Variants in CRTC1 observed in about 807,000 individuals in gnomAD.
The protein encoded by CRTC1 is CREB-regulated transcription coactivator 1.
Under a neutral mutation model 66.1 loss-of-function variants are expected in CRTC1, and 18 were observed. The ratio of observed to expected loss-of-function variants is 0.27; its 90% CI spans 0.19 to 0.40. CRTC1 has a LOEUF of 0.40. CRTC1 is among the 10% of genes least tolerant of loss of function. The pLI is 1.00. For missense variants in CRTC1, 669 were observed against 887.9 expected, an observed-to-expected ratio of 0.75 and a Z score of 3.13; for synonymous variants, 416 against 398.8, an observed-to-expected ratio of 1.04 and a Z score of -0.51.
In CRTC1 at chr19:18,776,207, C is replaced by T. The variant is rs114974425; in HGVS notation, c.1693+386C>T. ...GGTCAGGGACGGCTGTGGGGTGGGC[C>T]CTGTCTGGTGAGCCCAGCCTGGGCA... On this transcript the variant is annotated intron_variant, in intron 13 of 13. Coordinates refer to ENST00000321949, the MANE Select transcript of CRTC1 (RefSeq NM_015321.3). 3.1e-3 allele frequency among the ~76,000 whole-genome samples: 476 copies of T among 152,316 alleles called. 2 individuals are homozygous for T. The highest frequency in any genetic ancestry group is 0.011 in the African/African-American group (447 of 41,558).
At chr19:18,757,394 G>A (rs2054513159) in intron 6 of CRTC1, among the ~76,000 whole-genome samples, 1 of 152,108 alleles carries the variant, frequency 6.6e-6, no homozygotes, top group African/African-American at 2.4e-5. Context: ...AGGTTTTCCT[G>A]GGCACCCCCT....
At chr19:18,690,697 G>T (rs1293805299) in intron 1 of CRTC1, among the ~76,000 whole-genome samples, 1 of 152,080 alleles carries the variant, frequency 6.6e-6, no homozygotes. Flanking sequence ...ATCCTGGGGG[G>T]GTGGCCCTAA....
chr19:18,741,893 G>C lies in CRTC1; in HGVS notation c.127-1017G>C, dbSNP rs1418563924. On this transcript the variant is annotated intron_variant, in intron 1 of 13. Transcript: ENST00000321949. The surrounding 1 kb of genome is among the most constrained non-coding windows in gnomAD (Gnocchi z 4.2). ...CAGGGCCCCCTAGGAAGCTGGGGCG[G>C]TGGGGCAGCCAGCTCTCCACGCACT... Among the ~76,000 whole-genome samples, 1 of 152,138 alleles carries C rather than the reference G, an allele frequency of 6.6e-6. No homozygotes were observed. The highest frequency in any genetic ancestry group is 1.5e-5 in the Non-Finnish European group (1 of 67,986).
At chr19:18,709,510 G>A (rs1400822949) in intron 1 of CRTC1, among the ~76,000 whole-genome samples, 2 of 152,180 alleles carry the variant, frequency 1.3e-5, no homozygotes, top group African/African-American at 4.8e-5. Context: ...GGCAGGTTAA[G>A]AAGGGCAGTA....
intron 9 of CRTC1, among the ~76,000 whole-genome samples, chr19:18,766,691 C>T (rs893412254): frequency 6.6e-6 from 1 of 152,218 alleles, no homozygotes; most frequent in African/African-American, 2.4e-5. Context: ...AGGCAATCTG[C>T]CCACCTCGGC....
At chr19:18,764,424 T>C (rs1210546279) in intron 8 of CRTC1, among the ~76,000 whole-genome samples, 1 of 151,994 alleles carries the variant, frequency 6.6e-6, no homozygotes, top group East Asian at 1.9e-4. Flanking sequence ...CTCGCAGGGG[T>C]CCTCCTGCCA....
intron 1 of CRTC1, among the ~76,000 whole-genome samples, chr19:18,686,409 A>G (rs1430763923): frequency 6.6e-6 from 1 of 152,220 alleles, no homozygotes; most frequent in Non-Finnish European, 1.5e-5. Flanking sequence ...GCACTTTGGG[A>G]GGCCAAGGTG....
intron 2 of CRTC1, 121 bp from the exon 3 acceptor site, chr19:18,745,688 AGGCTGTGGAGCGAT>A (rs958584846): frequency 7.6e-5 from 86 of 1,129,404 alleles, no homozygotes; most frequent in Non-Finnish European, 1.1e-4. Context: ...AGCCCATCCC[AGGCTGTGGAGCGAT>A]GGCCGAGGGT....
chr19:18,777,114 A>G lies in CRTC1; in HGVS notation c.1694-57A>G. On this transcript the variant is annotated intron_variant, in intron 13 of 13. Transcript: ENST00000321949. This position sits in a 1 kb window ranked among gnomAD's most constrained non-coding sequence, Gnocchi z 5.5. ...CGGGCATGCCTGGTCCGACACATGG[A>G]TGCGAGCGATGGAGCCAGGGCTAAG... 2 of 972,010 alleles carry G rather than the reference A, an allele frequency of 2.1e-6. No homozygotes were observed. The highest frequency in any genetic ancestry group is 4.8e-5 in the East Asian group (2 of 41,702). 60.2% of individuals were successfully genotyped at this position (972,010 alleles called of 1,614,324 possible). A position where few individuals can be genotyped will look rare whatever the true frequency, so the allele number is the denominator to read the frequency against.
At chr19:18,730,216 G>A (rs2053854230) in intron 1 of CRTC1, among the ~76,000 whole-genome samples, 1 of 152,086 alleles carries the variant, frequency 6.6e-6, no homozygotes, top group African/African-American at 2.4e-5. Context: ...GCCCTTACGA[G>A]GTAAGGGCTT....
intron 12 of CRTC1, 109 bp from the exon 13 acceptor site, chr19:18,775,532 G>T: frequency 9.7e-7 from 1 of 1,035,984 alleles, no homozygotes. Flanking sequence ...ATCCTGCAGG[G>T]ACAGAGTCCC....
chr19:18,732,575 G>T (rs958271904), intron 1 of CRTC1, among the ~76,000 whole-genome samples: 14 of 152,184 alleles, frequency 9.2e-5, no homozygotes, highest in Non-Finnish European at 1.5e-4. Context: ...TGCAGGGATT[G>T]GGGGTCTGGC....
chr19:18,690,534 C>T (rs973783227), intron 1 of CRTC1, among the ~76,000 whole-genome samples: 2 of 152,170 alleles, frequency 1.3e-5, no homozygotes, highest in Non-Finnish European at 2.9e-5. Flanking sequence ...CTCAGTACTC[C>T]CCAGGTTGTG....
chr19:18,749,264 G>A (rs891037319), intron 4 of CRTC1, among the ~76,000 whole-genome samples: 1 of 152,268 alleles, frequency 6.6e-6, no homozygotes, highest in South Asian at 2.1e-4. Flanking sequence ...CCTTCTCCTA[G>A]CCCATTCCAC....
chr19:18,717,941 A>G (rs1256736771), intron 1 of CRTC1, among the ~76,000 whole-genome samples: 1 of 152,108 alleles, frequency 6.6e-6, no homozygotes, highest in Non-Finnish European at 1.5e-5. Context: ...AGAAAAAGAC[A>G]GCAGGGCCTG....
intron 1 of CRTC1, among the ~76,000 whole-genome samples, chr19:18,716,000 G>A (rs111274817): frequency 0.023 from 3,503 of 152,324 alleles, 60 homozygotes; most frequent in Non-Finnish European, 0.037. Flanking sequence ...GGTTGGCGGG[G>A]GGGGTGTCGC....
intron 2 of CRTC1, chr19:18,744,191 C>T (rs757513143): frequency 1.1e-5 from 17 of 1,600,660 alleles, no homozygotes; most frequent in South Asian, 3.3e-5. Context: ...GCGGCGTCCC[C>T]GGCGCCAGCC....
chr19:18,689,600 T>TA (rs1235717486), intron 1 of CRTC1, among the ~76,000 whole-genome samples: 1 of 121,464 alleles, frequency 8.2e-6, no homozygotes, highest in African/African-American at 3.5e-5. Context: ...ATATAACACT[T>TA]ACCATTTTGA....
At chr19:18,755,618 T>C (rs1318679954) in intron 6 of CRTC1, among the ~76,000 whole-genome samples, 2 of 135,646 alleles carry the variant, frequency 1.5e-5, no homozygotes, top group African/African-American at 2.8e-5. Context: ...TTTTTTTTTT[T>C]CTGAGATGGA....
Sources: gnomAD v4.1 joint callset for allele counts (sites outside exome capture counted in the v4.1 genomes callset) on GRCh38, gnomAD v4.1.1 for gene constraint, Gnocchi (gnomAD v3.1) non-coding constraint, MANE v1.5 for transcripts, NCBI Gene and HGNC (gene_info 2026-07-23, HGNC 2026-07-21) for gene names.